The following ENAH variants were observed in gnomAD, a reference collection of about 807,000 sequenced individuals.
ENAH encodes the protein ENAH actin regulator.
Under a neutral mutation model 78.7 loss-of-function variants are expected in ENAH, and 23 were observed. The ratio of observed to expected loss-of-function variants is 0.29; its 90% CI spans 0.21 to 0.41. The LOEUF is 0.41. Among genes scored for constraint, ENAH ranks in the 10% least tolerant of loss-of-function variants. The pLI is 1.00. For missense variants in ENAH, 544 were observed against 691.0 expected (o/e 0.79, Z 2.39); for synonymous variants, 226 against 241.0 (o/e 0.94, Z 0.58).
At chr1:225,519,707 G>T in intron 4 of ENAH, 142 bp from the exon 5 acceptor site, 1 of 1,259,744 alleles carries the variant, frequency 7.9e-7, no homozygotes, top group Non-Finnish European at 1.1e-6. Context: ...CCACATGAAG[G>T]CTACCTTGGA....
intron 4 of ENAH, among the ~76,000 whole-genome samples, chr1:225,526,246 A>C (rs1275185962): frequency 1.3e-5 from 2 of 150,882 alleles, no homozygotes; most frequent in Admixed American, 1.3e-4. Flanking sequence ...TTTCTTTCTC[A>C]TATGCCACCT....
At chr1:225,578,924 C>T (rs1408079385) in intron 1 of ENAH, among the ~76,000 whole-genome samples, 3 of 152,060 alleles carry the variant, frequency 2.0e-5, no homozygotes, top group Non-Finnish European at 4.4e-5. Flanking sequence ...AGTTACTGAG[C>T]CAGTGTTGAT....
At chr1:225,568,387 G>A (rs200831309) in intron 1 of ENAH, among the ~76,000 whole-genome samples, 53 of 152,230 alleles carry the variant, frequency 3.5e-4, no homozygotes, top group East Asian at 2.7e-3. Context: ...AAAATATAAA[G>A]ATAATCTCAA....
chr1:225,525,862 A>G (rs2151219962), intron 4 of ENAH, among the ~76,000 whole-genome samples: 1 of 152,130 alleles, frequency 6.6e-6, no homozygotes, highest in South Asian at 2.1e-4. Flanking sequence ...ACATTCTAAA[A>G]TACCATAGTG....
intron 4 of ENAH, among the ~76,000 whole-genome samples, chr1:225,520,751 G>C (rs2096460370): frequency 6.6e-6 from 1 of 152,148 alleles, no homozygotes; most frequent in Non-Finnish European, 1.5e-5. Flanking sequence ...AGCTACTTGG[G>C]AGGCTGAGGG....
rs1411253799 is a variant in ENAH at position 225,498,881 on chromosome 1, G to C, written c.1618-477C>G. Among the ~76,000 whole-genome samples, 5 of 152,176 alleles carry C rather than the reference G, an allele frequency of 3.3e-5. No homozygotes were observed. The South Asian group carries it at 1.0e-3, about 32-fold the overall frequency. ...TAGCTGCCAAACCATATTTCAAGGA[G>C]TCTAGGATTTCCCTGAAGGGACCTC... On this transcript the variant is annotated intron_variant, in intron 12 of 13. Coordinates refer to ENST00000366843, the MANE Select transcript of ENAH (RefSeq NM_018212.6).
intron 1 of ENAH, among the ~76,000 whole-genome samples, chr1:225,646,539 C>T (rs1055679357): frequency 3.9e-5 from 6 of 152,104 alleles, no homozygotes; most frequent in South Asian, 2.1e-4. Flanking sequence ...ATGTCTAGGC[C>T]GGGCGCTGTG....
intron 4 of ENAH, among the ~76,000 whole-genome samples, chr1:225,521,217 T>C (rs1051644621): frequency 6.6e-6 from 1 of 152,172 alleles, no homozygotes; most frequent in Non-Finnish European, 1.5e-5. Flanking sequence ...GCAATAACAT[T>C]TGTCTTCATC....
intron 1 of ENAH, among the ~76,000 whole-genome samples, chr1:225,616,502 C>T (rs796450739): frequency 6.6e-6 from 1 of 152,074 alleles, no homozygotes; most frequent in South Asian, 2.1e-4. Flanking sequence ...TAAAAAGGAA[C>T]CTAACTACAA....
intron 11 of ENAH, among the ~76,000 whole-genome samples, chr1:225,505,654 C>G (rs2096322223): frequency 6.6e-6 from 1 of 152,154 alleles, no homozygotes. Flanking sequence ...TCCGAAGGAA[C>G]AGGAGAGATA....
chr1:225,492,697 C>T lies in ENAH; in HGVS notation c.*5078G>A, dbSNP rs530684680. On this transcript the variant is annotated 3_prime_UTR_variant, in exon 14 of 14. Transcript: ENST00000366843. ...GTGCTTTAAATGATACTAACACTTC[C>T]GTTTAGAAGGTTGTGTGCATCACAG... 15 of 152,168 alleles carry T rather than the reference C, an allele frequency of 9.9e-5. No homozygotes were observed. The highest frequency in any genetic ancestry group is 1.8e-4 in the Non-Finnish European group (12 of 68,032). 9.4% of individuals were successfully genotyped at this position (152,168 alleles called of 1,614,324 possible).
At chr1:225,503,695 T>G (rs1317005301) in intron 11 of ENAH, among the ~76,000 whole-genome samples, 1 of 147,220 alleles carries the variant, frequency 6.8e-6, no homozygotes, top group African/African-American at 2.5e-5. Flanking sequence ...ACTATTTCAC[T>G]ACTGGAATAT....
chr1:225,650,871 A>AAAC (rs1233955272), intron 1 of ENAH, among the ~76,000 whole-genome samples: 2 of 150,116 alleles, frequency 1.3e-5, no homozygotes, highest in African/African-American at 4.9e-5. Flanking sequence ...AAAAAAAAAA[A>AAAC]AAAAAAACTT....
chr1:225,578,470 C>G (rs1350235249), intron 1 of ENAH, among the ~76,000 whole-genome samples: 1 of 152,082 alleles, frequency 6.6e-6, no homozygotes, highest in Non-Finnish European at 1.5e-5. Context: ...GCGAGACACT[C>G]TCTCTTAAAA....
intron 4 of ENAH, among the ~76,000 whole-genome samples, chr1:225,525,497 T>C (rs1372447475): frequency 6.6e-6 from 1 of 152,238 alleles, no homozygotes; most frequent in East Asian, 1.9e-4. Context: ...GTCAGGTTTT[T>C]CTATTCTTTT....
At chr1:225,647,860 A>AAGTT (rs1662252978) in intron 1 of ENAH, among the ~76,000 whole-genome samples, 1 of 152,128 alleles carries the variant, frequency 6.6e-6, no homozygotes, top group Non-Finnish European at 1.5e-5. Flanking sequence ...AAATGCTAGT[A>AAGTT]TTTTGCTAGT....
At chr1:225,554,096 T>C (rs1023421625) in intron 3 of ENAH, among the ~76,000 whole-genome samples, 41 of 152,312 alleles carry the variant, frequency 2.7e-4, no homozygotes, top group African/African-American at 9.6e-4. Flanking sequence ...CTGCAACTCT[T>C]TCCTCTTAAA....
chr1:225,575,256 G>C (rs2096783098), intron 1 of ENAH, among the ~76,000 whole-genome samples: 2 of 152,074 alleles, frequency 1.3e-5, no homozygotes, highest in African/African-American at 4.8e-5. Flanking sequence ...GCCCTCCCTA[G>C]TTCCTCAACT....
chr1:225,607,349 A>G (rs2096961525), intron 1 of ENAH, among the ~76,000 whole-genome samples: 1 of 152,236 alleles, frequency 6.6e-6, no homozygotes, highest in Non-Finnish European at 1.5e-5. Context: ...GGGTTGGACA[A>G]GCTTGCTCTA....
Sources: gnomAD v4.1 joint callset for allele counts (sites outside exome capture counted in the v4.1 genomes callset) on GRCh38, gnomAD v4.1.1 for gene constraint, MANE v1.5 for transcripts, NCBI Gene and HGNC (gene_info 2026-07-23, HGNC 2026-07-21) for gene names.